The following MYO5B variants were observed in gnomAD, a reference collection of about 807,000 sequenced individuals.
MYO5B encodes the protein unconventional myosin-Vb.
A neutral mutation model predicts 229.3 loss-of-function variants in MYO5B; 143 were observed. The ratio of observed to expected loss-of-function variants is 0.62; its 90% CI spans 0.54 to 0.72. The LOEUF is 0.72. Ranked by LOEUF, MYO5B falls within the 30% of genes least tolerant of loss-of-function variation. The pLI, the probability that MYO5B is intolerant of heterozygous loss-of-function variation, is 0.00. For missense variants in MYO5B, 2,321 were observed against 2,331.0 expected (o/e 1.00, Z 0.09); for synonymous variants, 918 against 885.2 (o/e 1.04, Z -0.66).
intron 27 of MYO5B, among the ~76,000 whole-genome samples, chr18:49,864,965 G>T (rs1242995710): frequency 6.6e-6 from 1 of 152,158 alleles, no homozygotes; most frequent in African/African-American, 2.4e-5. Context: ...CCTACATACA[G>T]AATTGAATGT....
At chr18:50,147,716 A>C (rs1405692285) in intron 1 of MYO5B, among the ~76,000 whole-genome samples, 1 of 152,010 alleles carries the variant, frequency 6.6e-6, no homozygotes, top group African/African-American at 2.4e-5. Flanking sequence ...CACTGACCTC[A>C]CCGAAACTCT....
At chr18:49,896,439 G>A (rs892482148) in intron 21 of MYO5B, among the ~76,000 whole-genome samples, 5 of 152,160 alleles carry the variant, frequency 3.3e-5, no homozygotes, top group African/African-American at 1.2e-4. Flanking sequence ...TCCAGTCTGG[G>A]TCTCCACTGG....
intron 1 of MYO5B, among the ~76,000 whole-genome samples, chr18:50,180,590 T>G (rs1199803234): frequency 6.6e-6 from 1 of 152,196 alleles, no homozygotes; most frequent in Non-Finnish European, 1.5e-5. Context: ...AAATGTACAG[T>G]TCAGTGGCAT....
chr18:50,162,137 A>G (rs1276526897), intron 1 of MYO5B, among the ~76,000 whole-genome samples: 2 of 152,262 alleles, frequency 1.3e-5, no homozygotes, highest in Non-Finnish European at 2.9e-5. Flanking sequence ...CCTGTGCTCC[A>G]ATCTTAAAGA....
At chr18:50,119,661 C>T (rs988037989) in intron 1 of MYO5B, among the ~76,000 whole-genome samples, 3 of 152,174 alleles carry the variant, frequency 2.0e-5, no homozygotes, top group Non-Finnish European at 2.9e-5. Context: ...TCACATGTCT[C>T]CTTCTCCTAA....
intron 1 of MYO5B, among the ~76,000 whole-genome samples, chr18:50,076,480 T>C (rs890822120): frequency 6.6e-6 from 1 of 152,198 alleles, no homozygotes; most frequent in Admixed American, 6.5e-5. Flanking sequence ...GGCAGCCACC[T>C]GGTGAGGCCT....
chr18:49,885,311 T>C (rs1360097608), intron 22 of MYO5B, among the ~76,000 whole-genome samples: 1 of 152,036 alleles, frequency 6.6e-6, no homozygotes, highest in African/African-American at 2.4e-5. Context: ...CCACAACACA[T>C]AATGACTAGC....
intron 16 of MYO5B, among the ~76,000 whole-genome samples, chr18:49,935,639 A>G (rs1365862871): frequency 2.6e-5 from 4 of 152,260 alleles, no homozygotes; most frequent in Non-Finnish European, 5.9e-5. Flanking sequence ...GGAATTTAGT[A>G]GAAACCAAGA....
At chr18:50,035,079 C>A (rs982316418) in intron 4 of MYO5B, among the ~76,000 whole-genome samples, 3 of 152,086 alleles carry the variant, frequency 2.0e-5, no homozygotes, top group Admixed American at 6.5e-5. Flanking sequence ...TGAAATAACC[C>A]AATTGTAGGA....
At chr18:50,124,552 AAC>A (rs1242631488) in intron 1 of MYO5B, among the ~76,000 whole-genome samples, 19 of 152,160 alleles carry the variant, frequency 1.2e-4, no homozygotes, top group Non-Finnish European at 2.5e-4. Context: ...AAACAACAAC[AAC>A]AAAAAACTTT....
intron 21 of MYO5B, 139 bp downstream of exon 21, chr18:49,902,455 A>G (rs1204684945): frequency 8.8e-7 from 1 of 1,136,088 alleles, no homozygotes; most frequent in Non-Finnish European, 1.3e-6. Context: ...TGCCACAGTT[A>G]GTATCTGCTG....
chr18:49,913,727 C>T (rs1331812226), intron 17 of MYO5B, among the ~76,000 whole-genome samples: 2 of 152,088 alleles, frequency 1.3e-5, no homozygotes, highest in Non-Finnish European at 1.5e-5. Context: ...GTTTTTGCAA[C>T]CAAAAAGTTG....
rs199854266 is a variant in MYO5B, at chr18:49,904,782, T to C, written c.2461A>G (p.Lys821Glu). 296 of 1,613,846 alleles carry C rather than the reference T, an allele frequency of 1.8e-4. No individual in the cohort carries two copies. The highest frequency in any genetic ancestry group is 2.3e-4 in the Non-Finnish European group (277 of 1,180,034). Residue 821 changes from lysine to glutamate, a missense_variant, in exon 20 of 40, where the codon AAA (lysine) becomes GAA (glutamate). Transcript: ENST00000285039. ...CGGGCCCTCTGCATGCGGTAATGTT[T>C]CTGGAGCACCACAGCCGCTCTGATC... ...RRIRAAVVLQ[K>E]HYRMQRARQA...
intron 9 of MYO5B, among the ~76,000 whole-genome samples, chr18:49,979,823 C>T (rs1204789059): frequency 1.3e-5 from 2 of 152,246 alleles, no homozygotes; most frequent in Non-Finnish European, 2.9e-5. Flanking sequence ...ACAGCAATTG[C>T]TGTGGGTGCC....
At chr18:49,842,791 C>T (rs1452532486) in intron 34 of MYO5B, among the ~76,000 whole-genome samples, 1 of 152,218 alleles carries the variant, frequency 6.6e-6, no homozygotes, top group African/African-American at 2.4e-5. Flanking sequence ...GATGGAATGT[C>T]ACAGCCCTCC....
intron 4 of MYO5B, among the ~76,000 whole-genome samples, chr18:50,019,336 G>A (rs928143639): frequency 1.3e-5 from 2 of 152,176 alleles, no homozygotes; most frequent in Admixed American, 6.5e-5. Context: ...TGGGTGAGTC[G>A]GCCCCTGCTA....
chr18:50,074,508 C>A (rs779779324), intron 1 of MYO5B, among the ~76,000 whole-genome samples: 9 of 152,182 alleles, frequency 5.9e-5, no homozygotes, highest in Non-Finnish European at 8.8e-5. Context: ...TCTCTACCAA[C>A]CTCATCTCTT....
At chr18:49,946,406 T>A (rs1464941178) in intron 14 of MYO5B, 1 of 152,186 alleles carries the variant, frequency 6.6e-6, no homozygotes, top group Non-Finnish European at 1.5e-5. Flanking sequence ...CCTTTGAGTG[T>A]CATATTGGTG....
In MYO5B at chr18:50,036,639, C is replaced by T. The variant is rs189576725; in HGVS notation, c.455+211G>A. On this transcript the variant is annotated intron_variant, in intron 4 of 39. Coordinates refer to ENST00000285039, the MANE Select transcript of MYO5B (RefSeq NM_001080467.3). ...ATGAAATAAGTCTAAAGAGCCACTG[C>T]TCTCCAAGTCTAGGTTCAAGTTCAC... Among the ~76,000 whole-genome samples the T allele has an allele frequency of 5.1e-4, 77 of 152,306 alleles. 1 individual carries two copies. The East Asian group carries it at 0.013, about 26-fold the overall frequency.
Sources: allele counts gnomAD v4.1 joint callset (sites outside exome capture counted in the v4.1 genomes callset), GRCh38; gene constraint gnomAD v4.1.1; transcripts MANE v1.5; gene names NCBI Gene and HGNC (gene_info 2026-07-23, HGNC 2026-07-21).